SLC6A17: variants seen among roughly 807,000 people sequenced by gnomAD.
SLC6A17 encodes solute carrier family 6 member 17.
SLC6A17 carries 21 observed loss-of-function variants against 64.5 expected under a neutral mutation model. That is an observed-to-expected ratio of 0.33 (90% CI 0.23 to 0.47). The LOEUF (loss-of-function observed/expected upper bound fraction) is 0.47, where lower values mean the gene tolerates loss of function less well. Ranked by LOEUF, SLC6A17 falls within the 20% of genes least tolerant of loss-of-function variation. SLC6A17 has a pLI of 1.00. For synonymous variants in SLC6A17, 372 were observed against 399.5 expected (o/e 0.93, Z 0.82); for missense variants, 682 against 963.2 (o/e 0.71, Z 3.86).
At position 110,183,950 on chromosome 1, in the gene SLC6A17, C is replaced by G. The variant is rs1397646589; in HGVS notation, c.864+7211C>G. Among the ~76,000 whole-genome samples the G allele has an allele frequency of 3.3e-5, 5 of 152,066 alleles. No individual in the cohort carries two copies. The South Asian group carries it at 1.0e-3, about 32-fold the overall frequency. On this transcript the variant is annotated intron_variant, in intron 6 of 11. Transcript: ENST00000331565. ...GTGTGGGCAGTGGCAGCACGAAGGGCCCCCTGGAGGCTAGGGGTCAGGAGT... is the reference window on the plus strand; with the variant it reads ...GTGTGGGCAGTGGCAGCACGAAGGGGCCCCTGGAGGCTAGGGGTCAGGAGT...
In SLC6A17 at chr1:110,201,669, G is replaced by A. The variant is rs1657131048; in HGVS notation, c.*3225G>A. 1 of 152,406 alleles carries A rather than the reference G, an allele frequency of 6.6e-6. No individual in the cohort carries two copies. Among genetic ancestry groups the A allele is most frequent in the Admixed American group, 6.5e-5 (1 of 15,276 alleles). The allele number at this position is 152,406 out of a possible 1,614,324, so 9.4% of individuals were successfully genotyped here. A position where few individuals can be genotyped will look rare whatever the true frequency, so the allele number is the denominator to read the frequency against. On this transcript the variant is annotated 3_prime_UTR_variant, in exon 12 of 12. Coordinates refer to ENST00000331565, the MANE Select transcript of SLC6A17 (RefSeq NM_001010898.4). Reference sequence around the variant, plus strand: ...GGGGTTGCTGCTTTCCCAGTGCCAGGAGAACCCCCGCTCCGAGTCAGCCTG... The same window carrying A: ...GGGGTTGCTGCTTTCCCAGTGCCAGAAGAACCCCCGCTCCGAGTCAGCCTG...
intron 6 of SLC6A17, among the ~76,000 whole-genome samples, chr1:110,183,077 G>C (rs977115230): frequency 3.3e-5 from 5 of 152,164 alleles, no homozygotes; most frequent in Admixed American, 3.3e-4. Context: ...TTCCTCAAAA[G>C]GTTAAACAGA....
Position 110,192,351 on chromosome 1 carries a change from C to T in SLC6A17, c.1106+138C>T, listed in dbSNP as rs1656849690. ...GAGGAATGGAGATCAGAGGAGCACT[C>T]TCTGTCCCCAGCTCCGGGCCACAGG... On this transcript the variant is annotated intron_variant, in intron 7 of 11. Transcript: ENST00000331565. This position sits in a 1 kb window ranked among gnomAD's most constrained non-coding sequence, Gnocchi z 4.3. The T allele has an allele frequency of 6.8e-7, 1 of 1,463,884 alleles. No individual in the cohort carries two copies. Among genetic ancestry groups the T allele is most frequent in the Non-Finnish European group, 9.2e-7 (1 of 1,082,036 alleles). 90.7% of individuals were successfully genotyped at this position (1,463,884 alleles called of 1,614,324 possible).
At chr1:110,179,781 G>A (rs1391731517) in intron 6 of SLC6A17, among the ~76,000 whole-genome samples, 1 of 151,988 alleles carries the variant, frequency 6.6e-6, no homozygotes, top group Non-Finnish European at 1.5e-5. Flanking sequence ...TCGAACTCCC[G>A]ACCTCAGATG....
chr1:110,201,027 A>G lies in SLC6A17; in HGVS notation c.*2583A>G, dbSNP rs1327525609. ...CTTCACACCACTGGGTTTGCCAGAA[A>G]CAGGGAAGGAGGGCGTTAAGGGAAA... On this transcript the variant is annotated 3_prime_UTR_variant, in exon 12 of 12. Coordinates refer to ENST00000331565, the MANE Select transcript of SLC6A17 (RefSeq NM_001010898.4). 4 of 152,120 alleles carry G rather than the reference A, an allele frequency of 2.6e-5. No homozygotes were observed. The highest frequency in any genetic ancestry group is 5.9e-5 in the Non-Finnish European group (4 of 68,002). 9.4% of individuals were successfully genotyped at this position (152,120 alleles called of 1,614,324 possible). A position where few individuals can be genotyped will look rare whatever the true frequency, so the allele number is the denominator to read the frequency against.
intron 6 of SLC6A17, among the ~76,000 whole-genome samples, chr1:110,185,041 TAGAG>T (rs1430179779): frequency 1.3e-5 from 2 of 152,118 alleles, no homozygotes; most frequent in African/African-American, 4.8e-5. Context: ...CTCCCACAGT[TAGAG>T]AGAGGGCTTC....
chr1:110,164,924 A>C (rs1282592112), intron 1 of SLC6A17, among the ~76,000 whole-genome samples: 1 of 152,168 alleles, frequency 6.6e-6, no homozygotes, highest in Non-Finnish European at 1.5e-5. Context: ...GATGATCAGT[A>C]AATCATACCT....
rs76512140 is a variant in SLC6A17 at position 110,201,245 on chromosome 1, G to A, written c.*2801G>A. 6.6e-6 allele frequency: 1 copy of A among 152,222 alleles called. No homozygotes were observed. Among genetic ancestry groups the A allele is most frequent in the African/African-American group, 2.4e-5 (1 of 41,432 alleles). 9.4% of individuals were successfully genotyped at this position (152,222 alleles called of 1,614,324 possible). A position where few individuals can be genotyped will look rare whatever the true frequency, so the allele number is the denominator to read the frequency against. On this transcript the variant is annotated 3_prime_UTR_variant, in exon 12 of 12. Transcript: ENST00000331565. The stretch of plus-strand genomic sequence containing the variant: ...AAGGGCCGCCTGCCCCCTCCCCACT[G>A]TGCTTTTGATGCCTTTGGAGTCAAA...
rs1290514392 is a variant in SLC6A17 at position 110,172,285 on chromosome 1, G to T, written c.444+68G>T. ...GCTGCTCCTGGGCATTGGAGACGAG[G>T]TCACCGAGTTTCCAGGCCAGAGTCC... On this transcript the variant is annotated intron_variant, in intron 3 of 11. Transcript: ENST00000331565. 4 of 1,507,552 alleles carry T rather than the reference G, an allele frequency of 2.7e-6. No homozygotes were observed. In the South Asian group the frequency reaches 5.1e-5, roughly 19 times the overall value. 93.4% of individuals were successfully genotyped at this position (1,507,552 alleles called of 1,614,324 possible).
chr1:110,194,928 T>G, intron 9 of SLC6A17, 157 bp downstream of exon 9: 2 of 892,814 alleles, frequency 2.2e-6, no homozygotes, highest in Non-Finnish European at 3.5e-6. Flanking sequence ...ACTCAGTGAT[T>G]AGCACTCACA....
chr1:110,154,551 G>T (rs1004860061), intron 1 of SLC6A17, among the ~76,000 whole-genome samples: 2 of 152,152 alleles, frequency 1.3e-5, no homozygotes, highest in African/African-American at 4.8e-5. Context: ...GCTCCAGGTG[G>T]GTTGAAATAC....
At chr1:110,157,634 C>T (rs1026187305) in intron 1 of SLC6A17, among the ~76,000 whole-genome samples, 1 of 151,948 alleles carries the variant, frequency 6.6e-6, no homozygotes, top group Non-Finnish European at 1.5e-5. Context: ...TCACATTACT[C>T]CTCTGCTTGA....
intron 10 of SLC6A17, 134 bp downstream of exon 10, chr1:110,195,879 G>A: frequency 1.5e-6 from 2 of 1,298,818 alleles, no homozygotes; most frequent in Non-Finnish European, 2.1e-6. Context: ...AAACTGAGGT[G>A]TAGTGCAAGG....
At chr1:110,171,642 G>A (rs1656227804) in intron 2 of SLC6A17, among the ~76,000 whole-genome samples, 1 of 151,988 alleles carries the variant, frequency 6.6e-6, no homozygotes, top group South Asian at 2.1e-4. Flanking sequence ...CTGGGGGCGA[G>A]TAAGCCCCCA....
chr1:110,172,371 T>G, intron 3 of SLC6A17, 154 bp downstream of exon 3: 1 of 955,734 alleles, frequency 1.0e-6, no homozygotes, highest in Non-Finnish European at 1.5e-6. Flanking sequence ...CAGCTGGGGT[T>G]CCAGGACCCC....
At chr1:110,175,099 G>A in intron 5 of SLC6A17, 139 bp downstream of exon 5, 2 of 1,124,140 alleles carry the variant, frequency 1.8e-6, no homozygotes, top group South Asian at 1.7e-5. Context: ...GGGTGTGGAA[G>A]TATCATTCCT....
rs1320024456 is a variant in SLC6A17, at chr1:110,200,143, A to G, written c.*1699A>G. The G allele has an allele frequency of 2.5e-6, 1 of 398,416 alleles. No individual in the cohort carries two copies. Among genetic ancestry groups the G allele is most frequent in the African/African-American group, 2.1e-5 (1 of 48,586 alleles). 24.7% of individuals were successfully genotyped at this position (398,416 alleles called of 1,614,324 possible). ...GATTGCTCTTAGGACCTGGAGGGAC[A>G]GACCAGAATCAGGGTCCCCTCCTTT... is the stretch of plus-strand genomic sequence containing the variant. On this transcript the variant is annotated 3_prime_UTR_variant, in exon 12 of 12. Coordinates refer to ENST00000331565, the MANE Select transcript of SLC6A17 (RefSeq NM_001010898.4).
chr1:110,173,896 C>T, intron 3 of SLC6A17, 77 bp from the exon 4 acceptor site: 17 of 1,517,586 alleles, frequency 1.1e-5, no homozygotes, highest in Admixed American at 1.0e-4. Flanking sequence ...TGCCGACGTG[C>T]TGGGCCTCGG....
chr1:110,152,837 C>T (rs1655644902), intron 1 of SLC6A17, among the ~76,000 whole-genome samples: 1 of 152,146 alleles, frequency 6.6e-6, no homozygotes, highest in Non-Finnish European at 1.5e-5. Flanking sequence ...GATGTTAGTT[C>T]CCCATCCCTT....
Sources: allele counts gnomAD v4.1 joint callset (sites outside exome capture counted in the v4.1 genomes callset), GRCh38; gene constraint gnomAD v4.1.1; non-coding constraint Gnocchi (gnomAD v3.1); transcripts MANE v1.5; gene names NCBI Gene and HGNC (gene_info 2026-07-23, HGNC 2026-07-21).